The following STK11 variants were observed in gnomAD, a reference collection of about 807,000 sequenced individuals.
STK11 encodes the protein serine/threonine-protein kinase STK11.
In STK11, 8 loss-of-function variants were observed where a neutral mutation model predicts 47.3. The observed-to-expected ratio is 0.17, with a 90% CI of 0.10 to 0.31. The LOEUF is 0.31. STK11 is among the 10% of genes least tolerant of loss of function. The pLI, the probability that STK11 is intolerant of heterozygous loss-of-function variation, is 1.00. For synonymous variants in STK11, 330 were observed against 255.8 expected, an observed-to-expected ratio of 1.29 and a Z score of -2.77; for missense variants, 475 against 605.0, an observed-to-expected ratio of 0.79 and a Z score of 2.25.
At position 1,205,860 on chromosome 19, in the gene STK11, G is replaced by C. The variant is rs2080660264; in HGVS notation, c.-1054G>C. 4.9e-6 allele frequency: 1 copy of C among 203,164 alleles called. No individual in the cohort carries two copies. The highest frequency in any genetic ancestry group is 1.0e-5 in the Non-Finnish European group (1 of 98,890). 12.6% of individuals were successfully genotyped at this position (203,164 alleles called of 1,614,324 possible). ...GCCCGCGAGTGAGGCGCGGGGCGGC[G>C]AAGGGAGCGCGGGTGGCGGCACTTG... On this transcript the variant is annotated 5_prime_UTR_variant, in exon 1 of 10. Transcript: ENST00000326873.
chr19:1,226,205 C>T (rs2080819306), intron 8 of STK11: 2 of 1,351,802 alleles, frequency 1.5e-6, no homozygotes, highest in South Asian at 1.8e-5. Flanking sequence ...GCGGCCATGG[C>T]AGGTGCAACA....
In STK11 at chr19:1,205,995, C is replaced by G. The variant is rs1324412640; in HGVS notation, c.-919C>G. On this transcript the variant is annotated 5_prime_UTR_variant, in exon 1 of 10. Transcript: ENST00000326873. ...GCCCGGGGCCCGGCACCTTCGGGAA[C>G]CCCCCGGCCCGGAGCCTGCGGCCTG... 3 of 146,838 alleles carry G rather than the reference C, an allele frequency of 2.0e-5. No individual in the cohort carries two copies. 9.1% of individuals were successfully genotyped at this position (146,838 alleles called of 1,614,324 possible).
chr19:1,213,613 T>C (rs1490063341), intron 1 of STK11, among the ~76,000 whole-genome samples: 1 of 152,246 alleles, frequency 6.6e-6, no homozygotes, highest in Non-Finnish European at 1.5e-5. Context: ...CTCTCTGCTG[T>C]TCACGGCTGC....
rs1249680182 is a variant in STK11, at chr19:1,206,637, G to A, written c.-277G>A. 3.9e-6 allele frequency: 2 copies of A among 515,190 alleles called. No homozygotes were observed. The highest frequency in any genetic ancestry group is 2.6e-5 in the South Asian group (1 of 39,096). The allele number at this position is 515,190 out of a possible 1,614,324, so 31.9% of individuals were successfully genotyped here. On this transcript the variant is annotated 5_prime_UTR_variant, in exon 1 of 10. Transcript: ENST00000326873. ...GCCGTCTCCCAGTTCTGAGGCCCGG[G>A]TCCCACTGGAACTCGCGTCTGAGCC...
intron 1 of STK11, among the ~76,000 whole-genome samples, chr19:1,208,226 C>T (rs1472935658): frequency 6.6e-6 from 1 of 151,852 alleles, no homozygotes; most frequent in East Asian, 2.0e-4. Flanking sequence ...CTCTCACCTT[C>T]CTCCTGCTCA....
intron 8 of STK11, chr19:1,224,564 T>G (rs1446141153): frequency 3.0e-6 from 3 of 985,376 alleles, no homozygotes; most frequent in Non-Finnish European, 3.6e-6. Context: ...GAGTCCCTAC[T>G]GGGACGTGGA....
At chr19:1,209,903 G>A (rs973251799) in intron 1 of STK11, among the ~76,000 whole-genome samples, 1 of 152,172 alleles carries the variant, frequency 6.6e-6, no homozygotes, top group African/African-American at 2.4e-5. Flanking sequence ...GACCTGGACT[G>A]GACTGTGCGT....
chr19:1,219,234 G>C, intron 2 of STK11, 90 bp from the exon 3 acceptor site: 1 of 1,450,334 alleles, frequency 6.9e-7, no homozygotes, highest in South Asian at 1.2e-5. Flanking sequence ...TGGGTGCAGA[G>C]GGTCCCTCCA....
intron 8 of STK11, 40 bp from the exon 9 acceptor site, chr19:1,226,414 C>A (rs758911551): frequency 6.3e-7 from 1 of 1,591,644 alleles, no homozygotes; most frequent in Admixed American, 1.7e-5. Flanking sequence ...TCTGGGGTTG[C>A]GCCCCTCAGC....
intron 8 of STK11, chr19:1,223,694 G>A (rs978519964): frequency 2.5e-5 from 26 of 1,045,096 alleles, no homozygotes; most frequent in African/African-American, 8.4e-5. Context: ...GCAGAAGAGC[G>A]AGGGCTCAGA....
chr19:1,224,096 C>G, intron 8 of STK11: 1 of 994,578 alleles, frequency 1.0e-6, no homozygotes. Flanking sequence ...CTCAGCACTC[C>G]TGGGCCCCTC....
chr19:1,222,924 C>A, intron 7 of STK11, 61 bp from the exon 8 acceptor site: 2 of 1,481,946 alleles, frequency 1.3e-6, no homozygotes, highest in South Asian at 2.7e-5. Flanking sequence ...GGAGCTGGGT[C>A]GGAAAACTGG....
rs1057522675 is a variant in STK11, at chr19:1,221,360, G to T, written c.862+20G>T. 24 of 1,593,272 alleles carry T rather than the reference G, an allele frequency of 1.5e-5. No individual in the cohort carries two copies. The highest frequency in any genetic ancestry group is 2.0e-5 in the Non-Finnish European group (23 of 1,168,038). ...TGAAAGGTGGGAGCCTCATCCCTCT[G>T]CCCGCAGCCCCAGGGAGGCGGGGCT... is the stretch of plus-strand genomic sequence containing the variant. On this transcript the variant is annotated intron_variant, in intron 6 of 9. Transcript: ENST00000326873.
chr19:1,228,165 G>C lies in STK11; in HGVS notation c.*589G>C. 2 of 1,060,304 alleles carry C rather than the reference G, an allele frequency of 1.9e-6. No homozygotes were observed. Among genetic ancestry groups the C allele is most frequent in the Non-Finnish European group, 2.3e-6 (2 of 874,592 alleles). The allele number at this position is 1,060,304 out of a possible 1,614,324, so 65.7% of individuals were successfully genotyped here. A position where few individuals can be genotyped will look rare whatever the true frequency, so the allele number is the denominator to read the frequency against. On this transcript the variant is annotated 3_prime_UTR_variant, in exon 10 of 10. Transcript: ENST00000326873. ...GGCTGTGGGGTCGGGCTCACGTCGC[G>C]GCCGCCTTTGCGCTCTCGGGTCACC... is the stretch of plus-strand genomic sequence containing the variant.
Position 1,207,180 on chromosome 19 carries a change from C to T in STK11, c.267C>T (p.Pro89=), listed in dbSNP as rs778290623. The T allele has an allele frequency of 8.7e-6, 14 of 1,608,334 alleles. No homozygotes were observed. The South Asian group carries it at 1.4e-4, about 17-fold the overall frequency. The part of the protein sequence containing the change: ...ILKKKKLRRI[P]NGEANVKKEI... ...AGAAGAAGAAGTTGCGAAGGATCCCCAACGGGGAGGCCAACGTGAAGAAGT... is the reference window on the plus strand; with the variant it reads ...AGAAGAAGAAGTTGCGAAGGATCCCTAACGGGGAGGCCAACGTGAAGAAGT... The change falls in exon 1 of 10, where the codon CCC becomes CCT. Residue 89 remains proline (P), a synonymous_variant. Transcript: ENST00000326873.
chr19:1,225,276 CT>C (rs540247998), intron 8 of STK11: 75,294 of 660,958 alleles, frequency 0.11, no homozygotes, highest in Non-Finnish European at 0.13. Flanking sequence ...TCTTTTTTAT[CT>C]TTTTTTTTTT....
chr19:1,226,968 G>A (rs535744448), intron 9 of STK11: 5 of 389,436 alleles, frequency 1.3e-5, no homozygotes, highest in South Asian at 7.3e-5. Context: ...TGGGCCTGGC[G>A]CCCCCTCCCC....
intron 8 of STK11, chr19:1,224,684 C>G (rs1450372360): frequency 1.0e-6 from 1 of 985,532 alleles, no homozygotes; most frequent in Non-Finnish European, 1.2e-6. Flanking sequence ...CTGGGCTGCC[C>G]TGGGGTGAGG....
chr19:1,209,467 C>T (rs2080694058), intron 1 of STK11, among the ~76,000 whole-genome samples: 1 of 152,050 alleles, frequency 6.6e-6, no homozygotes, highest in Non-Finnish European at 1.5e-5. Context: ...CCTGTAATCC[C>T]AGCTACTCGG....
Sources: allele counts gnomAD v4.1 joint callset (sites outside exome capture counted in the v4.1 genomes callset), GRCh38; gene constraint gnomAD v4.1.1; transcripts MANE v1.5; gene names NCBI Gene and HGNC (gene_info 2026-07-23, HGNC 2026-07-21).